FAAH2: variants seen among roughly 807,000 people sequenced by gnomAD.
FAAH2 encodes fatty acid amide hydrolase 2.
FAAH2 carries 60 observed loss-of-function variants against 36.9 expected under a neutral mutation model. The observed-to-expected ratio is 1.63, with a 90% CI of 1.32 to 2.02. The LOEUF is 2.02. Among genes scored for constraint, FAAH2 ranks in the 30% most tolerant of loss-of-function variants. The pLI, the probability that FAAH2 is intolerant of heterozygous loss-of-function variation, is 0.00. For missense variants in FAAH2, 689 were observed against 397.5 expected, an observed-to-expected ratio of 1.73 and a Z score of -6.23; for synonymous variants, 214 against 143.8, an observed-to-expected ratio of 1.49 and a Z score of -3.49.
At chrX:57,427,679 GA>G (rs1197945663) in intron 7 of FAAH2, among the ~76,000 whole-genome samples, 3 of 111,227 alleles carry the variant, frequency 2.7e-5, no homozygotes, top group Non-Finnish European at 5.7e-5. Flanking sequence ...CATAGATGCA[GA>G]AAAAAATTAA....
intron 7 of FAAH2, among the ~76,000 whole-genome samples, chrX:57,424,567 A>T (rs1473142088): frequency 3.6e-5 from 4 of 111,787 alleles, no homozygotes; most frequent in Non-Finnish European, 7.5e-5. Flanking sequence ...GCCTATTCAC[A>T]TATTCAGTAC....
the FAAH2 span, among the ~76,000 whole-genome samples, chrX:57,247,297 T>TA: frequency 3.6e-5 from 4 of 111,923 alleles, no homozygotes; most frequent in African/African-American, 9.7e-5. Context: ...AAGTTTTTTT[T>TA]ACCTTCTTTA....
the FAAH2 span, among the ~76,000 whole-genome samples, chrX:57,152,915 C>A: frequency 9.1e-6 from 1 of 110,309 alleles, no homozygotes; most frequent in Non-Finnish European, 1.9e-5. Flanking sequence ...TTGGCTCCCC[C>A]CCCGCTGACC....
chrX:57,341,559 C>T (rs191849364), intron 5 of FAAH2, among the ~76,000 whole-genome samples, 169 bp downstream of exon 5: 1 of 109,903 alleles, frequency 9.1e-6, no homozygotes, highest in African/African-American at 3.3e-5. Context: ...GGGATTGGTG[C>T]ACAAAATTGT....
chrX:57,354,152 C>T (rs1219944233), intron 5 of FAAH2, among the ~76,000 whole-genome samples: 1 of 110,944 alleles, frequency 9.0e-6, no homozygotes, highest in Non-Finnish European at 1.9e-5. Flanking sequence ...GTTTATACAG[C>T]ATTATTCACA....
the FAAH2 span, among the ~76,000 whole-genome samples, chrX:57,245,446 A>T: frequency 9.0e-6 from 1 of 111,707 alleles, no homozygotes; most frequent in African/African-American, 3.3e-5. Context: ...GCACCACATC[A>T]CACTTATTCT....
intron 1 of FAAH2, among the ~76,000 whole-genome samples, chrX:57,292,208 T>C (rs2052005852): frequency 9.0e-6 from 1 of 111,599 alleles, no homozygotes; most frequent in Admixed American, 9.5e-5. Flanking sequence ...TATATATACA[T>C]AATATCTCTG....
intron 7 of FAAH2, chrX:57,394,425 G>A (rs2055242615): frequency 1.7e-6 from 2 of 1,193,641 alleles, no homozygotes; most frequent in Non-Finnish European, 2.3e-6. Context: ...TCTTCAGACA[G>A]CAGACCAATT....
chrX:57,132,365 A>G, the FAAH2 span, among the ~76,000 whole-genome samples: 1 of 112,131 alleles, frequency 8.9e-6, no homozygotes, highest in African/African-American at 3.2e-5. Context: ...CTCATTTTCT[A>G]GAGATCACTT....
At chrX:57,410,570 T>C (rs1278003339) in intron 7 of FAAH2, among the ~76,000 whole-genome samples, 2 of 111,907 alleles carry the variant, frequency 1.8e-5, no homozygotes, top group African/African-American at 6.5e-5. Context: ...ATAAAGCAAA[T>C]TGTAATATCA....
At chrX:57,371,912 A>G (rs2054562449) in intron 5 of FAAH2, among the ~76,000 whole-genome samples, 1 of 111,583 alleles carries the variant, frequency 9.0e-6, no homozygotes, top group Non-Finnish European at 1.9e-5. Flanking sequence ...TGGTTTTTTA[A>G]TTTCTGCATT....
chrX:57,231,066 T>TGTGTGTGTGTGTGTGA, the FAAH2 span, among the ~76,000 whole-genome samples: 98 of 108,440 alleles, frequency 9.0e-4, no homozygotes, highest in African/African-American at 3.1e-3. Flanking sequence ...TGTGTGTGTG[T>TGTGTGTGTGTGTGTGA]GAGTGTGTGT....
the FAAH2 span, among the ~76,000 whole-genome samples, chrX:57,144,103 T>G: frequency 3.6e-5 from 4 of 112,157 alleles, no homozygotes; most frequent in South Asian, 1.5e-3. Flanking sequence ...AGCTTTCAGT[T>G]TTTTCCTTCT....
chrX:57,190,529 T>C, the FAAH2 span, among the ~76,000 whole-genome samples: 1 of 109,029 alleles, frequency 9.2e-6, no homozygotes, highest in Non-Finnish European at 1.9e-5. Context: ...GTCGGGGCCC[T>C]GGTGGTGTAG....
At chrX:57,281,226 T>C in the FAAH2 span, among the ~76,000 whole-genome samples, 2 of 112,215 alleles carry the variant, frequency 1.8e-5, no homozygotes, top group East Asian at 5.6e-4. Flanking sequence ...GGAATCTCTC[T>C]GTATTATTTC....
chrX:57,208,101 A>G, the FAAH2 span, among the ~76,000 whole-genome samples: 1 of 112,695 alleles, frequency 8.9e-6, no homozygotes, highest in Non-Finnish European at 1.9e-5. Context: ...CCTGAATAGA[A>G]CTGAGAGCGG....
Position 57,489,010 on chromosome X carries a change from G to T in FAAH2, c.*78G>T. 2 of 975,094 alleles carry T rather than the reference G, an allele frequency of 2.1e-6. No homozygotes were observed. Among genetic ancestry groups the T allele is most frequent in the Non-Finnish European group, 2.7e-6 (2 of 733,452 alleles). The allele number at this position is 975,094 out of a possible 1,213,427, so 80.4% of individuals were successfully genotyped here. A position where few individuals can be genotyped will look rare whatever the true frequency, so the allele number is the denominator to read the frequency against. ...GTTTCTATTAATTGGGTGAAATCAA[G>T]CACCAGCAGACAAGCAGAGAAACAA... On this transcript the variant is annotated 3_prime_UTR_variant, in exon 11 of 11. Transcript: ENST00000374900.
chrX:57,402,106 G>C (rs1054019036), intron 7 of FAAH2, among the ~76,000 whole-genome samples: 1 of 111,427 alleles, frequency 9.0e-6, no homozygotes, highest in Non-Finnish European at 1.9e-5. Flanking sequence ...AAGCATACCC[G>C]GGGCTCTGTG....
At chrX:57,278,708 A>G in the FAAH2 span, among the ~76,000 whole-genome samples, 1 of 111,915 alleles carries the variant, frequency 8.9e-6, no homozygotes, top group Non-Finnish European at 1.9e-5. Context: ...CAATCTATCC[A>G]CCTGACAAAG....
Sources: allele counts gnomAD v4.1 joint callset (sites outside exome capture counted in the v4.1 genomes callset), GRCh38; gene constraint gnomAD v4.1.1; transcripts MANE v1.5; gene names NCBI Gene and HGNC (gene_info 2026-07-23, HGNC 2026-07-21).